The following ASXL1 variants were observed in gnomAD, a reference collection of about 807,000 sequenced individuals.
ASXL1 encodes ASXL transcriptional regulator 1.
A neutral mutation model predicts 89.1 loss-of-function variants in ASXL1; 65 were observed. The ratio of observed to expected loss-of-function variants is 0.73; its 90% CI spans 0.60 to 0.90. The LOEUF is 0.90. ASXL1 is among the 40% of genes least tolerant of loss of function. The probability of loss-of-function intolerance (pLI) is 0.00; values close to 1 mark genes in which losing one functional copy is unlikely to be tolerated. For synonymous variants in ASXL1, 739 were observed against 746.9 expected (o/e 0.99, Z 0.17); for missense variants, 1,786 against 1,942.9 (o/e 0.92, Z 1.52).
At chr20:32,423,918 T>C (rs2011204839) in intron 4 of ASXL1, among the ~76,000 whole-genome samples, 1 of 152,202 alleles carries the variant, frequency 6.6e-6, no homozygotes, top group Non-Finnish European at 1.5e-5. Flanking sequence ...AATTATGCAG[T>C]ATTAGAATAG....
intron 4 of ASXL1, among the ~76,000 whole-genome samples, chr20:32,396,623 C>A (rs983787561): frequency 1.3e-5 from 2 of 152,192 alleles, no homozygotes; most frequent in African/African-American, 4.8e-5. Flanking sequence ...GGTTCCCAGA[C>A]TTTTTCTGTC....
intron 1 of ASXL1, among the ~76,000 whole-genome samples, chr20:32,363,342 A>G (rs1461193402): frequency 6.6e-6 from 1 of 152,182 alleles, no homozygotes; most frequent in African/African-American, 2.4e-5. Flanking sequence ...GGCAGTGAAC[A>G]TTAGTAGCTT....
chr20:32,437,169 C>T lies in ASXL1; in HGVS notation c.4457C>T (p.Ala1486Val). Residue 1486 changes from alanine to valine, a missense_variant, in exon 13 of 13, where the codon GCA becomes GTA. Ala to Val is a moderately conservative substitution (Grantham distance 64). Transcript: ENST00000375687. Reference sequence around the variant, plus strand: ...GCAAACTTTGGTGCGAGCCACAGTGCATCACTTTCCTTGCAAATGTTCACT... The same window carrying T: ...GCAAACTTTGGTGCGAGCCACAGTGTATCACTTTCCTTGCAAATGTTCACT... ...HKANFGASHS[A>V]SLSLQMFTDS... 1 of 1,613,928 alleles carries T rather than the reference C, an allele frequency of 6.2e-7. No individual in the cohort carries two copies. Among genetic ancestry groups the T allele is most frequent in the Non-Finnish European group, 8.5e-7 (1 of 1,179,788 alleles).
chr20:32,370,644 C>G (rs1276021781), intron 4 of ASXL1, among the ~76,000 whole-genome samples: 4 of 152,072 alleles, frequency 2.6e-5, no homozygotes, highest in African/African-American at 9.7e-5. Flanking sequence ...TCTTGATGGA[C>G]TGTATTCAAA....
chr20:32,427,967 T>C, intron 4 of ASXL1, 161 bp from the exon 5 acceptor site: 1 of 993,004 alleles, frequency 1.0e-6, no homozygotes, highest in Admixed American at 2.2e-5. Flanking sequence ...ATGATATATT[T>C]ATGAAAAGAA....
chr20:32,397,349 C>T (rs2048786532), intron 4 of ASXL1, among the ~76,000 whole-genome samples: 1 of 133,374 alleles, frequency 7.5e-6, no homozygotes, highest in South Asian at 2.5e-4. Context: ...ATTCACCTGC[C>T]TTGGCCTCCT....
chr20:32,388,244 G>C (rs2048613450), intron 4 of ASXL1, among the ~76,000 whole-genome samples: 2 of 152,072 alleles, frequency 1.3e-5, no homozygotes, highest in Non-Finnish European at 2.9e-5. Context: ...GCTTGATCTT[G>C]GCTCACTGCA....
Position 32,365,413 on chromosome 20 carries a change from A to G in ASXL1, c.58-971A>G, listed in dbSNP as rs759322589. 2.6e-5 allele frequency among the ~76,000 whole-genome samples: 4 copies of G among 152,180 alleles called. No individual in the cohort carries two copies. In the South Asian group the frequency reaches 6.2e-4, roughly 24 times the overall value. The stretch of plus-strand genomic sequence containing the variant: ...AGAGAGTACCTTCCGCAGCAGACCT[A>G]TCAGACGAGATCGGGCACATTCAGG... On this transcript the variant is annotated intron_variant, in intron 1 of 12. Transcript: ENST00000375687.
intron 4 of ASXL1, among the ~76,000 whole-genome samples, chr20:32,379,544 G>T (rs993745590): frequency 6.6e-6 from 1 of 151,542 alleles, no homozygotes; most frequent in Non-Finnish European, 1.5e-5. Flanking sequence ...AAGATGTCAC[G>T]GCCAGGCATG....
At position 32,436,676 on chromosome 20, in the gene ASXL1, C is replaced by G. The variant is rs2011912541; in HGVS notation, c.3964C>G (p.Pro1322Ala). The change falls in exon 13 of 13, where the codon CCG becomes GCG. Residue 1322 changes from proline (P) to alanine (A), a missense_variant. Coordinates refer to ENST00000375687, the MANE Select transcript of ASXL1 (RefSeq NM_015338.6). The part of the protein sequence containing the change: ...ATLQRPRPAD[P>A]MPLPAEIPPV... ...CCTTCAGCGCCCCAGGCCTGCGGACCCGATGCCTCTTCCTGCTGAGATCCC... is the reference window on the plus strand; with the variant it reads ...CCTTCAGCGCCCCAGGCCTGCGGACGCGATGCCTCTTCCTGCTGAGATCCC... 1 of 1,613,892 alleles carries G rather than the reference C, an allele frequency of 6.2e-7. No homozygotes were observed. Among genetic ancestry groups the G allele is most frequent in the Non-Finnish European group, 8.5e-7 (1 of 1,180,058 alleles).
At chr20:32,372,454 T>G (rs940588043) in intron 4 of ASXL1, 9 of 1,043,490 alleles carry the variant, frequency 8.6e-6, no homozygotes, top group African/African-American at 1.7e-5. Flanking sequence ...GTTCCTCTAG[T>G]TAGACTGTAA....
Position 32,423,541 on chromosome 20 carries a change from T to TTTTA in ASXL1, c.253-4569_253-4566dup, listed in dbSNP as rs1343348542. On this transcript the variant is annotated intron_variant, in intron 4 of 12. Transcript: ENST00000375687. ...GGTGTGGGCCACAATACCCAGCATT[T>TTTTA]TTTATTTATTTATTTATTTATGTAT... Among the ~76,000 whole-genome samples, 879 of 151,240 alleles carry TTTTA rather than the reference T, an allele frequency of 5.8e-3. 8 individuals are homozygous for TTTTA. Among genetic ancestry groups the TTTTA allele is most frequent in the African/African-American group, 0.019 (769 of 41,094 alleles).
Position 32,435,014 on chromosome 20 carries a change from C to A in ASXL1, c.2302C>A (p.Gln768Lys). 4 of 1,614,144 alleles carry A rather than the reference C, an allele frequency of 2.5e-6. No homozygotes were observed. The Admixed American group carries it at 6.7e-5, about 27-fold the overall frequency. The change falls in exon 13 of 13, where the codon CAA becomes AAA. Residue 768 changes from glutamine (Q) to lysine (K), a missense_variant. This residue lies in a region of ASXL1 where 1,418 missense variants were observed against 1,427.8 expected (regional missense o/e 0.99). Transcript: ENST00000375687. ...PCQALPLLSS[Q>K]TSVAERLVEQ... ...CCAGGCCTTGCCCCTACTGTCCTCC[C>A]AAACCTCAGTAGCTGAGAGATTAGT...
intron 4 of ASXL1, among the ~76,000 whole-genome samples, chr20:32,418,851 G>T: frequency 1.8e-5 from 1 of 56,892 alleles, no homozygotes; most frequent in Non-Finnish European, 2.9e-5. Context: ...TTTTTTTTTT[G>T]AGACGGAGTC....
At chr20:32,364,945 G>A (rs1569237298) in intron 1 of ASXL1, among the ~76,000 whole-genome samples, 1 of 152,148 alleles carries the variant, frequency 6.6e-6, no homozygotes, top group African/African-American at 2.4e-5. Flanking sequence ...TGTTGTGTTG[G>A]GTCAGGTAAG....
chr20:32,392,980 G>T (rs1255228330), intron 4 of ASXL1, among the ~76,000 whole-genome samples: 1 of 152,086 alleles, frequency 6.6e-6, no homozygotes, highest in East Asian at 1.9e-4. Flanking sequence ...ATGTTGATTG[G>T]CTTGTTGATT....
chr20:32,430,017 G>C lies in ASXL1; in HGVS notation c.682G>C (p.Ala228Pro). 1.9e-6 allele frequency: 3 copies of C among 1,607,522 alleles called. No individual in the cohort carries two copies. In the African/African-American group the frequency reaches 4.0e-5, roughly 21 times the overall value. ...RGQAEVTQDP[A>P]PLLRGFRKPA... ...CCAGGCCGAGGTCACCCAGGACCCT[G>C]CCCCGCTCCTGAGAGGCTTCCGGAA... Residue 228 changes from alanine (A) to proline (P), a missense_variant, in exon 8 of 13, where the codon GCC (alanine) becomes CCC (proline). Transcript: ENST00000375687.
intron 3 of ASXL1, 82 bp downstream of exon 3, chr20:32,367,811 G>C (rs377603384): frequency 2.9e-4 from 228 of 777,372 alleles, no homozygotes; most frequent in Non-Finnish European, 5.1e-4. Flanking sequence ...TTATGAAGCA[G>C]TCATGATGGC....
chr20:32,361,910 A>G (rs561364482), intron 1 of ASXL1, among the ~76,000 whole-genome samples: 5 of 152,052 alleles, frequency 3.3e-5, no homozygotes, highest in African/African-American at 9.6e-5. Context: ...TACTAAAAAT[A>G]CAAAAATTAG....
Sources: gnomAD v4.1 joint callset for allele counts (sites outside exome capture counted in the v4.1 genomes callset) on GRCh38, gnomAD v4.1.1 for gene constraint, gnomAD v4.1.1 regional missense constraint, MANE v1.5 for transcripts, NCBI Gene and HGNC (gene_info 2026-07-23, HGNC 2026-07-21) for gene names.